Variants in SPTLC2 observed in about 807,000 individuals in gnomAD.
SPTLC2 encodes the protein serine palmitoyltransferase 2.
Under a neutral mutation model 62.0 loss-of-function variants are expected in SPTLC2, and 21 were observed. The observed-to-expected ratio is 0.34, with a 90% CI of 0.24 to 0.49. The LOEUF (loss-of-function observed/expected upper bound fraction) is 0.49, where lower values mean the gene tolerates loss of function less well. Ranked by LOEUF, SPTLC2 falls within the 20% of genes least tolerant of loss-of-function variation. The pLI is 0.99. For synonymous variants in SPTLC2, 261 were observed against 261.8 expected, an observed-to-expected ratio of 1.00 and a Z score of 0.03; for missense variants, 511 against 713.0, an observed-to-expected ratio of 0.72 and a Z score of 3.23.
intron 3 of SPTLC2, chr14:77,578,711 C>G (rs531407435): frequency 2.5e-6 from 1 of 400,564 alleles, no homozygotes; most frequent in East Asian, 5.5e-5. Context: ...CAGAGCGAAA[C>G]TCCATCTCAA....
intron 5 of SPTLC2, among the ~76,000 whole-genome samples, chr14:77,563,994 G>A (rs2079628875): frequency 6.6e-6 from 1 of 151,982 alleles, no homozygotes; most frequent in Non-Finnish European, 1.5e-5. Context: ...GCTCATGCCT[G>A]TAATCCTGGC....
intron 2 of SPTLC2, among the ~76,000 whole-genome samples, chr14:77,585,196 T>G (rs1183191794): frequency 1.3e-5 from 2 of 152,252 alleles, no homozygotes; most frequent in African/African-American, 2.4e-5. Context: ...ACAGTGTTTT[T>G]GGTAACTCTA....
intron 1 of SPTLC2, among the ~76,000 whole-genome samples, chr14:77,615,123 C>T (rs1410362543): frequency 6.6e-6 from 1 of 152,140 alleles, no homozygotes; most frequent in Non-Finnish European, 1.5e-5. Flanking sequence ...GCTAGGAAAA[C>T]GACAAACTAT....
At chr14:77,615,951 T>C (rs1333719441) in intron 1 of SPTLC2, among the ~76,000 whole-genome samples, 1 of 152,118 alleles carries the variant, frequency 6.6e-6, no homozygotes, top group Non-Finnish European at 1.5e-5. Flanking sequence ...GTCCAGAATG[T>C]GGTTGGGAGA....
Position 77,511,699 on chromosome 14 carries a change from G to A in SPTLC2, c.*585C>T, listed in dbSNP as rs1226677068. The A allele has an allele frequency of 2.4e-5, 4 of 164,274 alleles. No homozygotes were observed. Among genetic ancestry groups the A allele is most frequent in the Admixed American group, 5.6e-5 (1 of 17,882 alleles). 10.2% of individuals were successfully genotyped at this position (164,274 alleles called of 1,614,324 possible). ...CCAAACCCTTGGGAGATTACACAATGAGCCTTTCAGCAGTCATCGCTTACT... is the reference window on the plus strand; with the variant it reads ...CCAAACCCTTGGGAGATTACACAATAAGCCTTTCAGCAGTCATCGCTTACT... On this transcript the variant is annotated 3_prime_UTR_variant, in exon 12 of 12. Coordinates refer to ENST00000216484, the MANE Select transcript of SPTLC2 (RefSeq NM_004863.4).
At chr14:77,523,499 C>G (rs1381780020) in intron 9 of SPTLC2, among the ~76,000 whole-genome samples, 1 of 152,116 alleles carries the variant, frequency 6.6e-6, no homozygotes, top group Non-Finnish European at 1.5e-5. Context: ...GATGAGAGAG[C>G]TTTAGAGATC....
chr14:77,562,355 A>G, intron 6 of SPTLC2, 41 bp downstream of exon 6: 1 of 1,574,314 alleles, frequency 6.4e-7, no homozygotes, highest in Non-Finnish European at 8.7e-7. Context: ...TCGAAAGAAT[A>G]GCAAAACCAA....
intron 5 of SPTLC2, among the ~76,000 whole-genome samples, chr14:77,565,881 C>T (rs1446236107): frequency 1.3e-5 from 2 of 152,138 alleles, no homozygotes; most frequent in Non-Finnish European, 2.9e-5. Context: ...GAATGGTATA[C>T]AGGAACTCTC....
At chr14:77,561,722 T>C (rs1364273912) in intron 6 of SPTLC2, among the ~76,000 whole-genome samples, 3 of 152,122 alleles carry the variant, frequency 2.0e-5, no homozygotes, top group Non-Finnish European at 2.9e-5. Flanking sequence ...ACAAAAATGA[T>C]GTTATCATCT....
intron 2 of SPTLC2, among the ~76,000 whole-genome samples, chr14:77,590,763 G>A (rs2140050867): frequency 6.6e-6 from 1 of 152,278 alleles, no homozygotes; most frequent in African/African-American, 2.4e-5. Flanking sequence ...GTTAGACAGT[G>A]ACAAATACCA....
chr14:77,536,410 G>A (rs7146600), intron 9 of SPTLC2, among the ~76,000 whole-genome samples: 35,345 of 151,066 alleles, frequency 0.23, 4,850 homozygotes, highest in Middle Eastern at 0.39. Flanking sequence ...ATGGATTCAC[G>A]TCACCAGGTG....
chr14:77,599,223 C>T (rs1209356777), intron 1 of SPTLC2, among the ~76,000 whole-genome samples: 2 of 152,146 alleles, frequency 1.3e-5, no homozygotes, highest in Admixed American at 6.5e-5. Context: ...TGTGTGTTAA[C>T]TTTAATCTTA....
intron 9 of SPTLC2, among the ~76,000 whole-genome samples, chr14:77,543,511 C>T (rs183457453): frequency 2.0e-5 from 3 of 152,050 alleles, no homozygotes; most frequent in African/African-American, 4.8e-5. Context: ...GAAGGCAATA[C>T]AATAAGACAA....
chr14:77,537,019 T>G (rs987941743), intron 9 of SPTLC2, among the ~76,000 whole-genome samples: 2 of 151,400 alleles, frequency 1.3e-5, no homozygotes, highest in African/African-American at 4.9e-5. Flanking sequence ...GCCTCCCAGG[T>G]TCAAGCAATT....
chr14:77,600,656 G>A (rs2079872174), intron 1 of SPTLC2, among the ~76,000 whole-genome samples: 1 of 152,106 alleles, frequency 6.6e-6, no homozygotes, highest in Non-Finnish European at 1.5e-5. Context: ...TTCACAGTCT[G>A]TTCACATTAA....
In SPTLC2 at chr14:77,544,931, C is replaced by T. The variant is rs142007165; in HGVS notation, c.1303+7165G>A. Among the ~76,000 whole-genome samples the T allele has an allele frequency of 1.0e-3, 152 of 152,236 alleles. 1 individual carries two copies. Among genetic ancestry groups the T allele is most frequent in the Non-Finnish European group, 1.7e-3 (117 of 68,034 alleles). ...TTTCCTCTTAGTATTTTTCTATCTACTCACTCCCACCCTGTTCCTTGGCTG... is the reference window on the plus strand; with the variant it reads ...TTTCCTCTTAGTATTTTTCTATCTATTCACTCCCACCCTGTTCCTTGGCTG... On this transcript the variant is annotated intron_variant, in intron 9 of 11. Coordinates refer to ENST00000216484, the MANE Select transcript of SPTLC2 (RefSeq NM_004863.4).
At chr14:77,543,985 A>T (rs540960989) in intron 9 of SPTLC2, among the ~76,000 whole-genome samples, 1 of 152,276 alleles carries the variant, frequency 6.6e-6, no homozygotes, top group Admixed American at 6.5e-5. Context: ...GTACTGAGGT[A>T]AAAAAGTTAA....
intron 9 of SPTLC2, among the ~76,000 whole-genome samples, chr14:77,544,916 G>A (rs1280803211): frequency 6.6e-6 from 1 of 152,076 alleles, no homozygotes; most frequent in South Asian, 2.1e-4. Flanking sequence ...TTTCCTCTTA[G>A]TATTTTTCTA....
intron 9 of SPTLC2, among the ~76,000 whole-genome samples, chr14:77,534,663 T>A (rs917169715): frequency 2.8e-5 from 4 of 145,082 alleles, no homozygotes; most frequent in East Asian, 2.0e-4. Flanking sequence ...TAAAAAAAAA[T>A]TGATTTCACC....
Sources: gnomAD v4.1 joint callset for allele counts (sites outside exome capture counted in the v4.1 genomes callset) on GRCh38, gnomAD v4.1.1 for gene constraint, MANE v1.5 for transcripts, NCBI Gene and HGNC (gene_info 2026-07-23, HGNC 2026-07-21) for gene names.